The following CEP120 variants were observed in gnomAD, a reference collection of about 807,000 sequenced individuals.
CEP120 encodes centrosomal protein of 120 kDa.
Under a neutral mutation model 126.5 loss-of-function variants are expected in CEP120, and 113 were observed. The observed-to-expected ratio is 0.89, with a 90% CI of 0.77 to 1.04. CEP120 has a LOEUF of 1.04. Ranked by LOEUF, CEP120 falls within the 50% of genes least tolerant of loss-of-function variation. The pLI is 0.00. For missense variants in CEP120, 1,230 were observed against 1,155.7 expected (o/e 1.06, Z -0.93); for synonymous variants, 400 against 394.3 (o/e 1.01, Z -0.17).
intron 18 of CEP120, among the ~76,000 whole-genome samples, chr5:123,361,093 C>T (rs552653442): frequency 4.7e-4 from 72 of 151,860 alleles, no homozygotes; most frequent in African/African-American, 1.7e-3. Context: ...CACTGTTCCC[C>T]TTTTCAGCTG....
At chr5:123,379,608 G>C (rs2127040858) in intron 14 of CEP120, among the ~76,000 whole-genome samples, 1 of 151,934 alleles carries the variant, frequency 6.6e-6, no homozygotes, top group East Asian at 1.9e-4. Context: ...AGGGTATTAA[G>C]GGCTTCATTC....
At chr5:123,398,251 G>T (rs1245849614) in intron 5 of CEP120, among the ~76,000 whole-genome samples, 1 of 152,148 alleles carries the variant, frequency 6.6e-6, no homozygotes, top group African/African-American at 2.4e-5. Context: ...AAAAAAAAAG[G>T]GAAGTGGACT....
chr5:123,400,578 A>ATATATG, intron 4 of CEP120, among the ~76,000 whole-genome samples: 2 of 151,538 alleles, frequency 1.3e-5, no homozygotes, highest in Non-Finnish European at 2.9e-5. Flanking sequence ...CTATATACAT[A>ATATATG]TATATAGAGC....
chr5:123,393,204 G>C, intron 6 of CEP120, 96 bp downstream of exon 6: 1 of 1,085,880 alleles, frequency 9.2e-7, no homozygotes, highest in Non-Finnish European at 1.4e-6. Context: ...ACTGAAATAG[G>C]ATTAAGTTTA....
At chr5:123,402,972 C>T (rs907076319) in intron 4 of CEP120, among the ~76,000 whole-genome samples, 7 of 152,214 alleles carry the variant, frequency 4.6e-5, no homozygotes, top group Non-Finnish European at 7.3e-5. Context: ...AAGTCCCTCA[C>T]CAGATGCCAG....
chr5:123,364,455 A>T, intron 18 of CEP120, 41 bp downstream of exon 18: 1 of 1,360,068 alleles, frequency 7.4e-7, no homozygotes, highest in Non-Finnish European at 1.0e-6. Flanking sequence ...CAAAGAAACA[A>T]GGGAAAAAGA....
Position 123,399,216 on chromosome 5 carries a change from GGT to G in CEP120, c.530_531del (p.Tyr177SerfsTer11). On this transcript the variant is annotated frameshift_variant, in exon 5 of 20. Coordinates refer to ENST00000306467, the MANE Select transcript of CEP120 (RefSeq NM_001375405.1). LOFTEE classifies it high-confidence loss of function. ...IVAVLNEEGG[Y>X]HQIGPAEYCT... ...CAGTATTCTGCTGGTCCAATCTGAT[GGT>G]AGCCTCCCTCTTCATTCAGCACAGC... 6.2e-7 allele frequency: 1 copy of G among 1,613,902 alleles called. No individual in the cohort carries two copies. Among genetic ancestry groups the G allele is most frequent in the Non-Finnish European group, 8.5e-7 (1 of 1,179,776 alleles).
At chr5:123,355,688 T>C (rs1053218829) in intron 18 of CEP120, among the ~76,000 whole-genome samples, 6 of 152,122 alleles carry the variant, frequency 3.9e-5, no homozygotes, top group African/African-American at 1.4e-4. Context: ...ATTAGCCCTT[T>C]GTCAGATGAG....
At position 123,399,267 on chromosome 5, in the gene CEP120, C is replaced by G; in HGVS notation, c.481G>C (p.Gly161Arg). ...RDGKVPAILA[G>R]LDPRDIVAVL... ...GCCACAATGTCCCTGGGGTCAAGTCCAGCCAGGATGGCAGGTACTTTACAG... is the reference window on the plus strand; with the variant it reads ...GCCACAATGTCCCTGGGGTCAAGTCGAGCCAGGATGGCAGGTACTTTACAG... Residue 161 changes from glycine to arginine, a missense_variant, in exon 5 of 20, where the codon GGA becomes CGA. Gly to Arg is a moderately radical substitution (Grantham distance 125). Coordinates refer to ENST00000306467, the MANE Select transcript of CEP120 (RefSeq NM_001375405.1). The G allele has an allele frequency of 6.2e-7, 1 of 1,614,098 alleles. No homozygotes were observed. Among genetic ancestry groups the G allele is most frequent in the Non-Finnish European group, 8.5e-7 (1 of 1,179,974 alleles).
Position 123,369,353 on chromosome 5 carries a change from A to G in CEP120, c.2481+3297T>C, listed in dbSNP as rs1770691594. Among the ~76,000 whole-genome samples the G allele has an allele frequency of 5.3e-5, 8 of 152,060 alleles. No homozygotes were observed. In the South Asian group the frequency reaches 1.7e-3, roughly 31 times the overall value. On this transcript the variant is annotated intron_variant, in intron 17 of 19. Transcript: ENST00000306467. ...CTACCTCCATTTAAAAGATATGGAA[A>G]TAAGTACAGAGAAGTAAACTAAGTG...
intron 5 of CEP120, among the ~76,000 whole-genome samples, chr5:123,395,219 T>A (rs1436037434): frequency 1.3e-5 from 2 of 152,224 alleles, no homozygotes; most frequent in Non-Finnish European, 2.9e-5. Flanking sequence ...TCCTGATATT[T>A]AGAGACTACT....
At chr5:123,399,624 A>G (rs1483156101) in intron 4 of CEP120, among the ~76,000 whole-genome samples, 2 of 152,192 alleles carry the variant, frequency 1.3e-5, no homozygotes, top group South Asian at 4.1e-4. Flanking sequence ...CTGAACAGGG[A>G]ATGGGGGAGT....
Position 123,347,946 on chromosome 5 carries a change from T to C in CEP120, c.2727-1193A>G, listed in dbSNP as rs371627072. Reference sequence around the variant, plus strand: ...CCCTTACTGTCCTGGTCACATGCCATTGGAAGCTCTCTAGGTAGCTGATTT... The same window carrying C: ...CCCTTACTGTCCTGGTCACATGCCACTGGAAGCTCTCTAGGTAGCTGATTT... On this transcript the variant is annotated intron_variant, in intron 19 of 19. Transcript: ENST00000306467. 1.1e-4 allele frequency among the ~76,000 whole-genome samples: 16 copies of C among 152,312 alleles called. No individual in the cohort carries two copies. The East Asian group carries it at 1.5e-3, about 15-fold the overall frequency.
chr5:123,406,179 A>G (rs199748286), intron 4 of CEP120, among the ~76,000 whole-genome samples: 19 of 11,970 alleles, frequency 1.6e-3, no homozygotes, highest in Non-Finnish European at 1.0e-3. Flanking sequence ...AGACTGGGGG[A>G]AAAAAAAAAC....
At chr5:123,358,371 ATGT>A (rs1769806385) in intron 18 of CEP120, 1 of 152,106 alleles carries the variant, frequency 6.6e-6, no homozygotes, top group African/African-American at 2.4e-5. Context: ...CTTCTTTGAA[ATGT>A]ATATTTCATT....
At chr5:123,377,836 C>T (rs1375011854) in intron 15 of CEP120, among the ~76,000 whole-genome samples, 1 of 151,962 alleles carries the variant, frequency 6.6e-6, no homozygotes, top group Non-Finnish European at 1.5e-5. Context: ...GCAAATATGC[C>T]CAAGTTTCTT....
chr5:123,347,293 G>A (rs896064434), intron 19 of CEP120, among the ~76,000 whole-genome samples: 21 of 151,646 alleles, frequency 1.4e-4, no homozygotes, highest in African/African-American at 5.1e-4. Flanking sequence ...TGGTCTTTAG[G>A]TTGCTCCTAA....
intron 11 of CEP120, among the ~76,000 whole-genome samples, chr5:123,384,036 G>T (rs867356957): frequency 5.3e-5 from 8 of 152,040 alleles, no homozygotes; most frequent in Admixed American, 1.3e-4. Context: ...AGTATCTAAG[G>T]TTCTCACTTA....
intron 2 of CEP120, 75 bp downstream of exon 2, chr5:123,418,284 C>T: frequency 7.4e-7 from 1 of 1,354,364 alleles, no homozygotes; most frequent in Non-Finnish European, 9.9e-7. Context: ...GTATTAAATA[C>T]TCAAACTGTA....
Sources: gnomAD v4.1 joint callset for allele counts (sites outside exome capture counted in the v4.1 genomes callset) on GRCh38, gnomAD v4.1.1 for gene constraint, MANE v1.5 for transcripts, NCBI Gene and HGNC (gene_info 2026-07-23, HGNC 2026-07-21) for gene names.